The following TRIP10 variants were observed in gnomAD, a reference collection of about 807,000 sequenced individuals.
TRIP10 encodes the protein thyroid hormone receptor interactor 10, also known as cdc42-interacting protein 4.
TRIP10 carries 54 observed loss-of-function variants against 80.9 expected under a neutral mutation model. That is an observed-to-expected ratio of 0.67 (90% CI 0.54 to 0.84). TRIP10 has a LOEUF of 0.84. TRIP10 is among the 40% of genes least tolerant of loss of function. TRIP10 has a pLI of 0.00. For synonymous variants in TRIP10, 321 were observed against 307.2 expected (o/e 1.04, Z -0.47); for missense variants, 773 against 815.3 (o/e 0.95, Z 0.63).
intron 1 of TRIP10, among the ~76,000 whole-genome samples, chr19:6,740,355 C>G (rs1968875407): frequency 6.6e-6 from 1 of 152,218 alleles, no homozygotes; most frequent in African/African-American, 2.4e-5. Context: ...GCCCCCTGGT[C>G]GCCTATAACC....
intron 11 of TRIP10, among the ~76,000 whole-genome samples, chr19:6,747,840 C>T (rs1969183150): frequency 6.6e-6 from 1 of 151,688 alleles, no homozygotes; most frequent in Non-Finnish European, 1.5e-5. Context: ...CACAGTGGCT[C>T]ATGCCTATAA....
rs779275910 is a variant in TRIP10, at chr19:6,742,972, G to A, written c.203G>A (p.Ser68Asn). The A allele has an allele frequency of 3.7e-6, 6 of 1,614,028 alleles. No individual in the cohort carries two copies. In the Admixed American group the frequency reaches 6.7e-5, roughly 18 times the overall value. The change falls in exon 4 of 15, where the codon AGC becomes AAC. Residue 68 changes from serine (S) to asparagine (N), a missense_variant. Transcript: ENST00000313244. ...PAKDDPESKF[S>N]QQQSFVQILQ... Reference sequence around the variant, plus strand: ...CGATTCTCATCCAACCCCAGATTCAGCCAGCAACAGTCCTTCGTACAGATT... The same window carrying A: ...CGATTCTCATCCAACCCCAGATTCAACCAGCAACAGTCCTTCGTACAGATT...
chr19:6,741,335 G>T, intron 3 of TRIP10, 54 bp downstream of exon 3: 3 of 1,560,886 alleles, frequency 1.9e-6, no homozygotes, highest in South Asian at 1.2e-5. Flanking sequence ...GCGGTGCTTG[G>T]GTCTCACTTC....
intron 11 of TRIP10, among the ~76,000 whole-genome samples, chr19:6,748,140 T>C (rs959885623): frequency 2.6e-5 from 4 of 152,116 alleles, no homozygotes; most frequent in Non-Finnish European, 5.9e-5. Context: ...ACTTAAAATA[T>C]TGACAATAAA....
At chr19:6,748,060 T>A (rs1969189306) in intron 11 of TRIP10, among the ~76,000 whole-genome samples, 1 of 152,012 alleles carries the variant, frequency 6.6e-6, no homozygotes, top group South Asian at 2.1e-4. Context: ...AAAAAATGTA[T>A]CCATCTAGTT....
intron 11 of TRIP10, 48 bp from the exon 12 acceptor site, chr19:6,749,886 C>T (rs762745668): frequency 6.3e-7 from 1 of 1,583,516 alleles, no homozygotes; most frequent in Non-Finnish European, 8.6e-7. Context: ...AACAAAAAAA[C>T]TCACACGGAA....
In TRIP10 at chr19:6,744,960, G is replaced by A. The variant is rs932047899; in HGVS notation, c.950G>A (p.Arg317His). 2.5e-6 allele frequency: 4 copies of A among 1,613,816 alleles called. No individual in the cohort carries two copies. Among genetic ancestry groups the A allele is most frequent in the Non-Finnish European group, 3.4e-6 (4 of 1,179,900 alleles). The change falls in exon 9 of 15, where the codon CGC (arginine) becomes CAC (histidine). Residue 317 changes from arginine (R) to histidine (H), a missense_variant. Arg to His is a conservative substitution (Grantham distance 29). Transcript: ENST00000313244. This position sits in a 1 kb window ranked among gnomAD's most constrained non-coding sequence, Gnocchi z 4.9. ...GAACTCCGAGGCCCGGGTCGCAGCC[G>A]CACCAAGCGCTGGCCTTTTGGCAAG... ...RPELRGPGRS[R>H]TKRWPFGKKN...
At position 6,745,188 on chromosome 19, in the gene TRIP10, A is replaced by G. The variant is rs953983705; in HGVS notation, c.984+194A>G. The G allele has an allele frequency of 1.4e-6, 1 of 727,822 alleles. No homozygotes were observed. Among genetic ancestry groups the G allele is most frequent in the Non-Finnish European group, 2.1e-6 (1 of 466,118 alleles). The allele number at this position is 727,822 out of a possible 1,614,324, so 45.1% of individuals were successfully genotyped here. A position where few individuals can be genotyped will look rare whatever the true frequency, so the allele number is the denominator to read the frequency against. On this transcript the variant is annotated intron_variant, in intron 9 of 14. Transcript: ENST00000313244. The surrounding 1 kb of genome is among the most constrained non-coding windows in gnomAD (Gnocchi z 7.2). Reference sequence around the variant, plus strand: ...AGTCCCCCGAGGCGAAGGCGGGGGCAGGGTGGGGAGGTGGGGAGGTCCGTG... The same window carrying G: ...AGTCCCCCGAGGCGAAGGCGGGGGCGGGGTGGGGAGGTGGGGAGGTCCGTG...
chr19:6,750,769 G>A (rs1969271074), intron 14 of TRIP10, 136 bp downstream of exon 14: 3 of 1,347,254 alleles, frequency 2.2e-6, no homozygotes, highest in Non-Finnish European at 2.0e-6. Flanking sequence ...GCTGAGGCAG[G>A]CAGATCACTT....
At position 6,739,753 on chromosome 19, in the gene TRIP10, G is replaced by C. The variant is rs902777656; in HGVS notation, c.-9G>C. 2 of 1,405,908 alleles carry C rather than the reference G, an allele frequency of 1.4e-6. No individual in the cohort carries two copies. Among genetic ancestry groups the C allele is most frequent in the African/African-American group, 2.9e-5 (2 of 67,830 alleles). 87.1% of individuals were successfully genotyped at this position (1,405,908 alleles called of 1,614,324 possible). On this transcript the variant is annotated 5_prime_UTR_variant, in exon 1 of 15. Transcript: ENST00000313244. ...CGGTGGTGGCTGCGGCGGCGGCGGC[G>C]GGAGCAGCATGGATTGGGGCACTGA...
In TRIP10 at chr19:6,743,474, C is replaced by A. The variant is rs769298439; in HGVS notation, c.409-20C>A. 6.2e-7 allele frequency: 1 copy of A among 1,611,644 alleles called. No individual in the cohort carries two copies. Among genetic ancestry groups the A allele is most frequent in the Non-Finnish European group, 8.5e-7 (1 of 1,178,030 alleles). On this transcript the variant is annotated intron_variant, in intron 5 of 14. Coordinates refer to ENST00000313244, the MANE Select transcript of TRIP10 (RefSeq NM_001288962.2). ...CTTTGGGATGGTGGCTCCCTCACTCCGGTTCTGTCCCCTACACAGAGTAAG... is the reference window on the plus strand; with the variant it reads ...CTTTGGGATGGTGGCTCCCTCACTCAGGTTCTGTCCCCTACACAGAGTAAG...
chr19:6,741,170 C>T (rs1968907161), intron 2 of TRIP10, 45 bp downstream of exon 2: 1 of 1,613,558 alleles, frequency 6.2e-7, no homozygotes, highest in African/African-American at 1.3e-5. Context: ...CCTGGGGCGA[C>T]GGGGAGCGGT....
Position 6,750,580 on chromosome 19 carries a change from A to G in TRIP10, c.1604A>G (p.Glu535Gly). 1 of 1,614,206 alleles carries G rather than the reference A, an allele frequency of 6.2e-7. No homozygotes were observed. The highest frequency in any genetic ancestry group is 8.5e-7 in the Non-Finnish European group (1 of 1,180,030). ...PIYTEFDEDF[E>G]EEPTSPIGHC... Reference sequence around the variant, plus strand: ...TACACGGAGTTTGATGAGGATTTCGAGGAGGAACCCACATCCCCCATAGGT... The same window carrying G: ...TACACGGAGTTTGATGAGGATTTCGGGGAGGAACCCACATCCCCCATAGGT... Residue 535 changes from glutamate (E) to glycine (G), a missense_variant, in exon 14 of 15, where the codon GAG becomes GGG. Coordinates refer to ENST00000313244, the MANE Select transcript of TRIP10 (RefSeq NM_001288962.2).
Position 6,746,304 on chromosome 19 carries a change from GT to G in TRIP10, c.1152+110del. On this transcript the variant is annotated intron_variant, in intron 10 of 14. Transcript: ENST00000313244. This position sits in a 1 kb window ranked among gnomAD's most constrained non-coding sequence, Gnocchi z 6.2. Reference sequence around the variant, plus strand: ...CCGCTGGCTGGGCCCCTCTTCCCTGGTTGCCCAACCCAGACCTGCTTTGCTC... The same window carrying G: ...CCGCTGGCTGGGCCCCTCTTCCCTGGTGCCCAACCCAGACCTGCTTTGCTC... The G allele has an allele frequency of 6.7e-7, 1 of 1,492,480 alleles. No individual in the cohort carries two copies. Among genetic ancestry groups the G allele is most frequent in the Non-Finnish European group, 9.0e-7 (1 of 1,114,216 alleles). 92.5% of individuals were successfully genotyped at this position (1,492,480 alleles called of 1,614,324 possible).
At chr19:6,743,138 T>A (rs1314292505) in intron 4 of TRIP10, 24 bp downstream of exon 4, 1 of 1,614,068 alleles carries the variant, frequency 6.2e-7, no homozygotes, top group East Asian at 2.2e-5. Flanking sequence ...CGATTCAGGT[T>A]TTACAAAGGG....
intron 11 of TRIP10, among the ~76,000 whole-genome samples, chr19:6,749,628 G>A (rs950989147): frequency 1.3e-5 from 2 of 152,140 alleles, no homozygotes; most frequent in African/African-American, 2.4e-5. Context: ...TTGGGAGGCT[G>A]AGCCAGGAGG....
At chr19:6,743,166 G>A in intron 4 of TRIP10, 28 bp from the exon 5 acceptor site, 2 of 1,614,136 alleles carry the variant, frequency 1.2e-6, no homozygotes, top group Admixed American at 1.7e-5. Context: ...TGGAACCCTG[G>A]CGAGCCTTAT....
chr19:6,741,941 C>A (rs927631362), intron 3 of TRIP10, among the ~76,000 whole-genome samples: 1 of 151,912 alleles, frequency 6.6e-6, no homozygotes, highest in African/African-American at 2.4e-5. Context: ...CCTCAGCCTC[C>A]CTAGTAGCTG....
intron 3 of TRIP10, among the ~76,000 whole-genome samples, chr19:6,742,457 A>T (rs1273054122): frequency 1.3e-5 from 2 of 152,044 alleles, no homozygotes; most frequent in East Asian, 3.9e-4. Flanking sequence ...GATGCAGAAA[A>T]GATGGTATAA....
Sources: gnomAD v4.1 joint callset for allele counts (sites outside exome capture counted in the v4.1 genomes callset) on GRCh38, gnomAD v4.1.1 for gene constraint, Gnocchi (gnomAD v3.1) non-coding constraint, MANE v1.5 for transcripts, NCBI Gene and HGNC (gene_info 2026-07-23, HGNC 2026-07-21) for gene names.